The following GFRA3 variants were observed in gnomAD, a reference collection of about 807,000 sequenced individuals.
The protein encoded by GFRA3 is GDNF family receptor alpha 3, also known as GDNF family receptor alpha-3.
In GFRA3, 24 loss-of-function variants were observed where a neutral mutation model predicts 40.0. The observed-to-expected ratio is 0.60, with a 90% confidence interval of 0.43 to 0.84. The LOEUF (loss-of-function observed/expected upper bound fraction) is 0.84. Ranked by LOEUF, GFRA3 falls within the 40% of genes least tolerant of loss-of-function variation. GFRA3 has a pLI of 0.00. For synonymous variants in GFRA3, 203 were observed against 213.5 expected, an observed-to-expected ratio of 0.95 and a Z score of 0.43; for missense variants, 405 against 530.6, an observed-to-expected ratio of 0.76 and a Z score of 2.33.
intron 1 of GFRA3, among the ~76,000 whole-genome samples, chr5:138,271,913 T>TGTGTGTG (rs1554111239): frequency 1.5e-4 from 8 of 54,330 alleles, no homozygotes; most frequent in Non-Finnish European, 2.5e-4. Context: ...TTTTTTTTTT[T>TGTGTGTG]TGTGTGTGTG....
At chr5:138,253,664 G>C in intron 6 of GFRA3, 102 bp downstream of exon 6, 2 of 1,064,568 alleles carry the variant, frequency 1.9e-6, no homozygotes, top group Non-Finnish European at 2.8e-6. Flanking sequence ...CTGTTTGGTG[G>C]AGATGGATGG....
intron 2 of GFRA3, among the ~76,000 whole-genome samples, chr5:138,261,111 T>C (rs993757681): frequency 6.6e-6 from 1 of 152,222 alleles, no homozygotes; most frequent in African/African-American, 2.4e-5. Flanking sequence ...GCTTTGGTAC[T>C]GGGCAATGGG....
chr5:138,263,208 C>A (rs1755736360), intron 2 of GFRA3, among the ~76,000 whole-genome samples: 1 of 151,952 alleles, frequency 6.6e-6, no homozygotes, highest in African/African-American at 2.4e-5. Context: ...CTCAAGTGAT[C>A]CGCCTGCCTT....
chr5:138,254,119 T>C lies in GFRA3; in HGVS notation c.827A>G (p.Asp276Gly), dbSNP rs770755573. 4.3e-6 allele frequency: 7 copies of C among 1,611,762 alleles called. No individual in the cohort carries two copies. In the African/African-American group the frequency reaches 9.4e-5, roughly 22 times the overall value. The change falls in exon 5 of 8, where the codon GAC becomes GGC. Residue 276 changes from aspartate to glycine, a missense_variant. Physicochemically the swap from Asp to Gly is moderately conservative, Grantham distance 94. Transcript: ENST00000274721. Reference protein sequence around the residue: ...VDFQTHCHPMDILGTCATEQS... With the variant: ...VDFQTHCHPMGILGTCATEQS... ...CTCTGTTGCACAAGTTCCTAGGATG[T>C]CCATGGGATGGCAGTGGGTCTGGAA...
At chr5:138,267,070 T>C (rs1429696674) in intron 1 of GFRA3, 1 of 177,800 alleles carries the variant, frequency 5.6e-6, no homozygotes, top group Non-Finnish European at 1.2e-5. Flanking sequence ...TGGCTGGCCA[T>C]AAACACTTCA....
At position 138,253,364 on chromosome 5, in the gene GFRA3, C is replaced by T. The variant is rs1220636739; in HGVS notation, c.1036G>A (p.Ala346Thr). ...TGGCTGTGAAAACGCATCTTAGCTG[C>T]AATGGCCTCCGCTGAAGAGAGGAGA... Reference protein sequence around the residue: ...SHNPCLTEAIAAKMRFHSQLF... With the variant: ...SHNPCLTEAITAKMRFHSQLF... Residue 346 changes from alanine (A) to threonine (T), a missense_variant, in exon 7 of 8, where the codon GCA (alanine) becomes ACA (threonine). Ala to Thr is a moderately conservative substitution (Grantham distance 58). Coordinates refer to ENST00000274721, the MANE Select transcript of GFRA3 (RefSeq NM_001496.4). 7 of 1,592,734 alleles carry T rather than the reference C, an allele frequency of 4.4e-6. No individual in the cohort carries two copies. The highest frequency in any genetic ancestry group is 1.7e-5 in the Admixed American group (1 of 57,974).
chr5:138,263,344 A>G (rs1161750357), intron 2 of GFRA3, among the ~76,000 whole-genome samples: 2 of 152,220 alleles, frequency 1.3e-5, no homozygotes. Context: ...CAGAAGGGAG[A>G]GAAATGAATA....
chr5:138,261,861 G>T (rs1441421528), intron 2 of GFRA3, among the ~76,000 whole-genome samples: 1 of 152,134 alleles, frequency 6.6e-6, no homozygotes, highest in African/African-American at 2.4e-5. Context: ...CACACTGTTT[G>T]TGGATATCTC....
intron 1 of GFRA3, among the ~76,000 whole-genome samples, chr5:138,273,312 C>T (rs1374094295): frequency 1.3e-5 from 2 of 152,214 alleles, no homozygotes; most frequent in African/African-American, 4.8e-5. Context: ...GATGTCATTG[C>T]TGTCAAGTAT....
At chr5:138,264,638 G>C in intron 1 of GFRA3, 90 bp from the exon 2 acceptor site, 1 of 859,220 alleles carries the variant, frequency 1.2e-6, no homozygotes, top group South Asian at 1.7e-5. Context: ...GGATATTCCT[G>C]ATGAAACTTT....
At chr5:138,271,874 G>A (rs931748225) in intron 1 of GFRA3, among the ~76,000 whole-genome samples, 1 of 116,640 alleles carries the variant, frequency 8.6e-6, no homozygotes, top group Non-Finnish European at 1.8e-5. Context: ...CACCATTCCC[G>A]GCAGTATTTT....
rs1159298022 is a variant in GFRA3 at position 138,271,898 on chromosome 5, T to TG, written c.91+2435_91+2436insC. On this transcript the variant is annotated intron_variant, in intron 1 of 7. Coordinates refer to ENST00000274721, the MANE Select transcript of GFRA3 (RefSeq NM_001496.4). Reference sequence around the variant, plus strand: ...CGGCAGTATTTTCTTTTCTGTTTTTTTTTTTTTTTTTTTTTTGTGTGTGTG... The same window carrying TG: ...CGGCAGTATTTTCTTTTCTGTTTTTTGTTTTTTTTTTTTTTTTGTGTGTGTG... Among the ~76,000 whole-genome samples the TG allele has an allele frequency of 5.2e-3, 566 of 108,256 alleles. 9 individuals carry two copies. The highest frequency in any genetic ancestry group is 9.3e-3 in the Middle Eastern group (2 of 214). 71.0% of individuals were successfully genotyped at this position (108,256 alleles called of 152,430 possible).
At chr5:138,256,628 A>G (rs1012558769) in intron 4 of GFRA3, among the ~76,000 whole-genome samples, 8 of 152,024 alleles carry the variant, frequency 5.3e-5, no homozygotes, top group African/African-American at 1.9e-4. Flanking sequence ...GGGCATCCAT[A>G]CATGGAATAT....
In GFRA3 at chr5:138,257,980, G is replaced by A. The variant is rs766300217; in HGVS notation, c.473-29C>T. The A allele has an allele frequency of 8.1e-6, 13 of 1,597,896 alleles. No individual in the cohort carries two copies. The African/African-American group carries it at 1.5e-4, about 18-fold the overall frequency. On this transcript the variant is annotated intron_variant, in intron 3 of 7. Coordinates refer to ENST00000274721, the MANE Select transcript of GFRA3 (RefSeq NM_001496.4). The stretch of plus-strand genomic sequence containing the variant: ...GGGGGAAAGGGCACGGAGTCAGTCG[G>A]CTGGGCCCTCTGCACGCCTGCACCC...
At position 138,253,796 on chromosome 5, in the gene GFRA3, C is replaced by G; in HGVS notation, c.994G>C (p.Glu332Gln). Residue 332 changes from glutamate to glutamine, a missense_variant, in exon 6 of 8, where the codon GAA (glutamate) becomes CAA (glutamine). By Grantham distance (29) the Glu-to-Gln change is conservative. Coordinates refer to ENST00000274721, the MANE Select transcript of GFRA3 (RefSeq NM_001496.4). The stretch of plus-strand genomic sequence containing the variant: ...CAGGGGTTGTGGGAGAAGAACCCTT[C>G]CAGCATTTCACACTCCTCCTGCAGG... Reference protein sequence around the residue: ...GNLQEECEMLEGFFSHNPCLT... With the variant: ...GNLQEECEMLQGFFSHNPCLT... The G allele has an allele frequency of 6.2e-7, 1 of 1,613,996 alleles. No individual in the cohort carries two copies. Among genetic ancestry groups the G allele is most frequent in the Non-Finnish European group, 8.5e-7 (1 of 1,179,968 alleles).
intron 2 of GFRA3, among the ~76,000 whole-genome samples, chr5:138,261,052 C>T (rs543765747): frequency 3.5e-4 from 53 of 152,184 alleles, no homozygotes; most frequent in African/African-American, 1.3e-3. Flanking sequence ...GCAATTGGTA[C>T]CTAGAAGTGG....
At chr5:138,255,024 AGG>A (rs1755607228) in intron 4 of GFRA3, among the ~76,000 whole-genome samples, 3 of 76,108 alleles carry the variant, frequency 3.9e-5, no homozygotes, top group Non-Finnish European at 1.1e-4. Context: ...GGAGAGAGAG[AGG>A]AAGGAAGGAA....
intron 2 of GFRA3, 80 bp from the exon 3 acceptor site, chr5:138,259,729 C>T: frequency 1.3e-6 from 1 of 775,476 alleles, no homozygotes; most frequent in South Asian, 1.3e-5. Context: ...CTGGCTCAGA[C>T]CTCAAAGGCC....
intron 2 of GFRA3, among the ~76,000 whole-genome samples, chr5:138,263,026 G>A (rs978714989): frequency 2.6e-5 from 4 of 152,006 alleles, no homozygotes; most frequent in East Asian, 1.9e-4. Flanking sequence ...GTGCAGTGGC[G>A]CAATCTCGAC....
Sources: gnomAD v4.1 joint callset for allele counts (sites outside exome capture counted in the v4.1 genomes callset) on GRCh38, gnomAD v4.1.1 for gene constraint, MANE v1.5 for transcripts, NCBI Gene and HGNC (gene_info 2026-07-23, HGNC 2026-07-21) for gene names.